KLF12: variants seen among roughly 807,000 people sequenced by gnomAD.
KLF12 encodes KLF transcription factor 12, also known as Krueppel-like factor 12.
A neutral mutation model predicts 37.8 loss-of-function variants in KLF12; 9 were observed. The observed-to-expected ratio is 0.24, with a 90% CI of 0.14 to 0.42. The LOEUF is 0.42. KLF12 is among the 10% of genes least tolerant of loss of function. KLF12 has a pLI of 1.00. For synonymous variants in KLF12, 208 were observed against 202.1 expected (o/e 1.03, Z -0.25); for missense variants, 411 against 516.0 (o/e 0.80, Z 1.97).
At chr13:73,905,372 G>A (rs1888231630) in intron 3 of KLF12, among the ~76,000 whole-genome samples, 1 of 149,826 alleles carries the variant, frequency 6.7e-6, no homozygotes. Flanking sequence ...GTTGAAATAT[G>A]ATATCATCAT....
intron 2 of KLF12, among the ~76,000 whole-genome samples, chr13:73,947,376 C>A (rs151315916): frequency 6.6e-6 from 1 of 152,072 alleles, no homozygotes; most frequent in Non-Finnish European, 1.5e-5. Flanking sequence ...AATGGCCGGG[C>A]GTGGTGGCTC....
chr13:73,823,046 A>G (rs1883618218), intron 4 of KLF12, among the ~76,000 whole-genome samples: 1 of 152,152 alleles, frequency 6.6e-6, no homozygotes, highest in Non-Finnish European at 1.5e-5. Flanking sequence ...AGATCACCAA[A>G]CTCATTTTCA....
chr13:73,803,062 T>C (rs916768023), intron 5 of KLF12, among the ~76,000 whole-genome samples: 1 of 152,226 alleles, frequency 6.6e-6, no homozygotes, highest in African/African-American at 2.4e-5. Flanking sequence ...AAATTTGCTC[T>C]GCATGGTTTT....
rs1873711042 is a variant in KLF12, at chr13:73,689,741, G to C, written c.*5749C>G. Reference sequence around the variant, plus strand: ...ATAATAGGAAATATTAGGGGAAAGGGGAATGAAGAAATGTAAAGATGAATT... The same window carrying C: ...ATAATAGGAAATATTAGGGGAAAGGCGAATGAAGAAATGTAAAGATGAATT... On this transcript the variant is annotated 3_prime_UTR_variant, in exon 8 of 8. Coordinates refer to ENST00000377669, the MANE Select transcript of KLF12 (RefSeq NM_007249.5). 1 of 152,128 alleles carries C rather than the reference G, an allele frequency of 6.6e-6. No homozygotes were observed. Among genetic ancestry groups the C allele is most frequent in the African/African-American group, 2.4e-5 (1 of 41,432 alleles). 9.4% of individuals were successfully genotyped at this position (152,128 alleles called of 1,614,324 possible). A position where few individuals can be genotyped will look rare whatever the true frequency, so the allele number is the denominator to read the frequency against.
At chr13:74,221,002 G>GT in the KLF12 span, among the ~76,000 whole-genome samples, 62 of 147,436 alleles carry the variant, frequency 4.2e-4, no homozygotes, top group Admixed American at 1.5e-3. Context: ...TTGTTTGCTT[G>GT]TTTGTTTTTT....
chr13:74,009,128 T>C (rs1892484826), intron 1 of KLF12, among the ~76,000 whole-genome samples: 1 of 152,238 alleles, frequency 6.6e-6, no homozygotes, highest in Non-Finnish European at 1.5e-5. Flanking sequence ...CTAAGCACAG[T>C]TCAATAAAGC....
the KLF12 span, among the ~76,000 whole-genome samples, chr13:74,219,314 C>T: frequency 1.3e-5 from 2 of 152,120 alleles, no homozygotes; most frequent in Non-Finnish European, 2.9e-5. Flanking sequence ...CCATGAGATG[C>T]TTTTTACTTT....
At chr13:74,118,387 T>G (rs1877434632) in intron 1 of KLF12, among the ~76,000 whole-genome samples, 1 of 152,234 alleles carries the variant, frequency 6.6e-6, no homozygotes, top group Non-Finnish European at 1.5e-5. Context: ...TCACAATGCT[T>G]AATGAACTTT....
chr13:73,873,609 T>C (rs1316453817), intron 3 of KLF12, among the ~76,000 whole-genome samples: 2 of 152,178 alleles, frequency 1.3e-5, no homozygotes, highest in Non-Finnish European at 2.9e-5. Flanking sequence ...TTGGTTTTTG[T>C]GGATTTTTTC....
chr13:73,962,771 C>G (rs1221528508), intron 2 of KLF12, among the ~76,000 whole-genome samples: 1 of 152,116 alleles, frequency 6.6e-6, no homozygotes, highest in South Asian at 2.1e-4. Flanking sequence ...AATAAATGGA[C>G]AATTCGATAA....
chr13:74,091,992 CTT>C (rs1319267662), intron 1 of KLF12, among the ~76,000 whole-genome samples: 1 of 127,612 alleles, frequency 7.8e-6, no homozygotes, highest in Non-Finnish European at 1.8e-5. Context: ...ACAAAGCAAC[CTT>C]TAAAAAAAAA....
At chr13:73,790,150 T>C (rs897717564) in intron 5 of KLF12, among the ~76,000 whole-genome samples, 3 of 152,222 alleles carry the variant, frequency 2.0e-5, no homozygotes, top group Admixed American at 6.5e-5. Flanking sequence ...ATAACAGTAC[T>C]TAGCTTTCAA....
chr13:74,269,363 T>C, the KLF12 span, among the ~76,000 whole-genome samples: 1 of 152,206 alleles, frequency 6.6e-6, no homozygotes, highest in African/African-American at 2.4e-5. Flanking sequence ...TAGAGCATAC[T>C]GAGTTCACAG....
chr13:74,107,270 A>G (rs1012171086), intron 1 of KLF12, among the ~76,000 whole-genome samples: 2 of 152,246 alleles, frequency 1.3e-5, no homozygotes, highest in African/African-American at 4.8e-5. Flanking sequence ...GGACATCAAC[A>G]GACCATAGTA....
chr13:74,127,177 A>T (rs1281063717), intron 1 of KLF12, among the ~76,000 whole-genome samples: 1 of 152,228 alleles, frequency 6.6e-6, no homozygotes, highest in Non-Finnish European at 1.5e-5. Flanking sequence ...CCTGAATGGC[A>T]GCTTTTAAGA....
rs755515005 is a variant in KLF12 at position 73,690,873 on chromosome 13, T to C, written c.*4617A>G. ...ATATCTTCACTCTATTTTTTAAAGA[T>C]GCAGTATCCTTCTATTTCATTTTCT... On this transcript the variant is annotated 3_prime_UTR_variant, in exon 8 of 8. Transcript: ENST00000377669. The C allele has an allele frequency of 1.9e-4, 29 of 152,770 alleles. No homozygotes were observed. The highest frequency in any genetic ancestry group is 3.4e-3 in the Middle Eastern group (1 of 294). The allele number at this position is 152,770 out of a possible 1,614,324, so 9.5% of individuals were successfully genotyped here.
intron 2 of KLF12, among the ~76,000 whole-genome samples, chr13:73,957,651 GA>G (rs1370744922): frequency 6.6e-6 from 1 of 152,138 alleles, no homozygotes; most frequent in East Asian, 1.9e-4. Context: ...CAAAAACAAA[GA>G]GTGACCCCTG....
At position 74,100,636 on chromosome 13, in the gene KLF12, T is replaced by C. The variant is rs575445801; in HGVS notation, c.-32+33103A>G. Reference sequence around the variant, plus strand: ...CATCTCAAATATATATATATATATGTATAAACATAGATATAAACACCTCAA... The same window carrying C: ...CATCTCAAATATATATATATATATGCATAAACATAGATATAAACACCTCAA... On this transcript the variant is annotated intron_variant, in intron 1 of 7. Coordinates refer to ENST00000377669, the MANE Select transcript of KLF12 (RefSeq NM_007249.5). Among the ~76,000 whole-genome samples, 20 of 152,074 alleles carry C rather than the reference T, an allele frequency of 1.3e-4. No homozygotes were observed. The South Asian group carries it at 3.9e-3, about 30-fold the overall frequency.
At chr13:73,770,165 T>G (rs1182689144) in intron 5 of KLF12, among the ~76,000 whole-genome samples, 1 of 152,338 alleles carries the variant, frequency 6.6e-6, no homozygotes, top group African/African-American at 2.4e-5. Flanking sequence ...AGAATTTTCC[T>G]ATGCAGAATT....
Sources: gnomAD v4.1 joint callset for allele counts (sites outside exome capture counted in the v4.1 genomes callset) on GRCh38, gnomAD v4.1.1 for gene constraint, MANE v1.5 for transcripts, NCBI Gene and HGNC (gene_info 2026-07-23, HGNC 2026-07-21) for gene names.